Variants in SH3RF1 observed in about 807,000 individuals in gnomAD.
SH3RF1 encodes SH3 domain containing ring finger 1.
A neutral mutation model predicts 74.0 loss-of-function variants in SH3RF1; 32 were observed. That is an observed-to-expected ratio of 0.43 (90% CI 0.33 to 0.58). The LOEUF (loss-of-function observed/expected upper bound fraction) is 0.58, where lower values mean the gene tolerates loss of function less well. SH3RF1 is among the 20% of genes least tolerant of loss of function. The probability of loss-of-function intolerance (pLI) is 0.05; values close to 1 mark genes in which losing one functional copy is unlikely to be tolerated. For missense variants in SH3RF1, 954 were observed against 1,130.9 expected, an observed-to-expected ratio of 0.84 and a Z score of 2.24; for synonymous variants, 396 against 439.6, an observed-to-expected ratio of 0.90 and a Z score of 1.24.
rs1344483883 is a variant in SH3RF1, at chr4:169,247,993, T to C, written c.393+20827A>G. On this transcript the variant is annotated intron_variant, in intron 2 of 11. Transcript: ENST00000284637. ...CATTAAAAAGTCTGGAAACCACAGATGCTGGCGAGGATGTGGAGAAACAGA... is the reference window on the plus strand; with the variant it reads ...CATTAAAAAGTCTGGAAACCACAGACGCTGGCGAGGATGTGGAGAAACAGA... 2.6e-5 allele frequency among the ~76,000 whole-genome samples: 4 copies of C among 152,208 alleles called. No individual in the cohort carries two copies. In the East Asian group the frequency reaches 7.7e-4, roughly 29 times the overall value.
chr4:169,262,509 G>C (rs943406960), intron 2 of SH3RF1, among the ~76,000 whole-genome samples: 1 of 152,070 alleles, frequency 6.6e-6, no homozygotes, highest in Admixed American at 6.6e-5. Flanking sequence ...TCTACTAAAA[G>C]TACAAAAATT....
At chr4:169,171,917 T>G (rs940359974) in intron 2 of SH3RF1, among the ~76,000 whole-genome samples, 1 of 152,162 alleles carries the variant, frequency 6.6e-6, no homozygotes, top group Non-Finnish European at 1.5e-5. Context: ...CTGCTTCTTC[T>G]CCATCCGCAC....
intron 2 of SH3RF1, among the ~76,000 whole-genome samples, chr4:169,226,020 A>ATT (rs370345159): frequency 4.6e-5 from 7 of 152,320 alleles, no homozygotes; most frequent in African/African-American, 1.4e-4. Context: ...GAATAAAGCT[A>ATT]TTATATATAT....
At chr4:169,252,059 G>A (rs1000254255) in intron 2 of SH3RF1, among the ~76,000 whole-genome samples, 7 of 152,166 alleles carry the variant, frequency 4.6e-5, no homozygotes, top group Admixed American at 1.3e-4. Flanking sequence ...GTTCCGCAGC[G>A]ACTCAAGAAC....
intron 2 of SH3RF1, among the ~76,000 whole-genome samples, chr4:169,184,508 T>C (rs1734572130): frequency 6.6e-6 from 1 of 152,214 alleles, no homozygotes; most frequent in Admixed American, 6.5e-5. Flanking sequence ...CACAGGAGGA[T>C]AGCTATTCCT....
intron 7 of SH3RF1, among the ~76,000 whole-genome samples, chr4:169,121,301 G>A (rs759508987): frequency 6.6e-6 from 1 of 152,188 alleles, no homozygotes; most frequent in Non-Finnish European, 1.5e-5. Context: ...CTTGCTACCA[G>A]AGATTATGTA....
At chr4:169,098,513 T>C (rs188285550) in intron 11 of SH3RF1, among the ~76,000 whole-genome samples, 12 of 152,234 alleles carry the variant, frequency 7.9e-5, no homozygotes, top group African/African-American at 2.9e-4. Context: ...AAAAAACACA[T>C]CTCTGCAAAA....
intron 2 of SH3RF1, among the ~76,000 whole-genome samples, chr4:169,218,158 T>C (rs1457501587): frequency 6.8e-6 from 1 of 146,808 alleles, no homozygotes; most frequent in Non-Finnish European, 1.5e-5. Flanking sequence ...TGATTATACA[T>C]ATATCAATAT....
At chr4:169,159,296 T>C (rs551766213) in intron 2 of SH3RF1, among the ~76,000 whole-genome samples, 2 of 152,364 alleles carry the variant, frequency 1.3e-5, no homozygotes, top group South Asian at 4.1e-4. Flanking sequence ...ATTATGTATT[T>C]CTTCAAGGCT....
At chr4:169,130,242 A>G (rs1733592805) in intron 5 of SH3RF1, 86 bp from the exon 6 acceptor site, 13 of 933,204 alleles carry the variant, frequency 1.4e-5, no homozygotes, top group Non-Finnish European at 1.9e-5. Context: ...GGCAAGTCAC[A>G]TTAAAAAAAA....
intron 4 of SH3RF1, among the ~76,000 whole-genome samples, chr4:169,152,068 T>C (rs1733985402): frequency 6.6e-6 from 1 of 152,226 alleles, no homozygotes; most frequent in Non-Finnish European, 1.5e-5. Flanking sequence ...TTTAAAACTG[T>C]ATTCAGTCCT....
At chr4:169,255,295 T>C (rs1731168319) in intron 2 of SH3RF1, among the ~76,000 whole-genome samples, 1 of 152,176 alleles carries the variant, frequency 6.6e-6, no homozygotes, top group African/African-American at 2.4e-5. Flanking sequence ...TTTATTGAAA[T>C]TTGAAGCATA....
intron 1 of SH3RF1, among the ~76,000 whole-genome samples, chr4:169,270,227 G>A (rs1259707340): frequency 6.6e-6 from 1 of 152,192 alleles, no homozygotes; most frequent in African/African-American, 2.4e-5. Flanking sequence ...GAGCCCCAGG[G>A]CTGCACCCCC....
In SH3RF1 at chr4:169,120,911, A is replaced by G. The variant is rs753280716; in HGVS notation, c.1425T>C (p.Phe475=). 6.2e-7 allele frequency: 1 copy of G among 1,614,212 alleles called. No individual in the cohort carries two copies. Among genetic ancestry groups the G allele is most frequent in the South Asian group, 1.1e-5 (1 of 91,086 alleles). Residue 475 remains phenylalanine (F), a synonymous_variant, in exon 8 of 12, where the codon TTT becomes TTC. Transcript: ENST00000284637. ...TGAACCAGCCATCCTGGCAGCGCTC[A>G]AACACTAAAAACATCTCCCCTTTTC... ...ELRKGEMFLV[F]ERCQDGWFKG...
chr4:169,103,077 C>G (rs1005083248), intron 11 of SH3RF1, among the ~76,000 whole-genome samples: 1 of 143,958 alleles, frequency 6.9e-6, no homozygotes, highest in Non-Finnish European at 1.5e-5. Context: ...CCCGCCACCG[C>G]GCCTGGCTAT....
chr4:169,269,294 T>A lies in SH3RF1; in HGVS notation c.-82A>T. On this transcript the variant is annotated 5_prime_UTR_variant, in exon 2 of 12. An upstream start codon of the reference 5' UTR is lost. Coordinates refer to ENST00000284637, the MANE Select transcript of SH3RF1 (RefSeq NM_020870.4). Reference sequence around the variant, plus strand: ...CTTAAAATGACTCATGTAACATCCATTTCAGACTTTGCTCTAGAGTCATGG... The same window carrying A: ...CTTAAAATGACTCATGTAACATCCAATTCAGACTTTGCTCTAGAGTCATGG... The A allele has an allele frequency of 7.0e-7, 1 of 1,420,380 alleles. No individual in the cohort carries two copies. The highest frequency in any genetic ancestry group is 9.4e-7 in the Non-Finnish European group (1 of 1,068,168). 88.0% of individuals were successfully genotyped at this position (1,420,380 alleles called of 1,614,324 possible).
intron 4 of SH3RF1, among the ~76,000 whole-genome samples, chr4:169,145,126 T>C (rs983840103): frequency 6.6e-6 from 1 of 152,188 alleles, no homozygotes; most frequent in African/African-American, 2.4e-5. Context: ...AAAAGAAACC[T>C]GTACTTGTAC....
In SH3RF1 at chr4:169,192,814, T is replaced by G. The variant is rs1035779922; in HGVS notation, c.394-36135A>C. ...GTTTCTTTTATATATATATGATATATATGTGATATATATATCATATAGATG... is the reference window on the plus strand; with the variant it reads ...GTTTCTTTTATATATATATGATATAGATGTGATATATATATCATATAGATG... On this transcript the variant is annotated intron_variant, in intron 2 of 11. Transcript: ENST00000284637. Among the ~76,000 whole-genome samples the G allele has an allele frequency of 1.0e-4, 15 of 148,510 alleles. No homozygotes were observed. In the East Asian group the frequency reaches 1.2e-3, roughly 12 times the overall value.
intron 11 of SH3RF1, among the ~76,000 whole-genome samples, chr4:169,103,742 T>C (rs1275032348): frequency 6.6e-6 from 1 of 152,224 alleles, no homozygotes; most frequent in African/African-American, 2.4e-5. Context: ...ACTATCACCA[T>C]CACTGTATGA....
Sources: gnomAD v4.1 joint callset for allele counts (sites outside exome capture counted in the v4.1 genomes callset) on GRCh38, gnomAD v4.1.1 for gene constraint, MANE v1.5 for transcripts, NCBI Gene and HGNC (gene_info 2026-07-23, HGNC 2026-07-21) for gene names.